Variants in ZSWIM6 observed in about 807,000 individuals in gnomAD.
ZSWIM6 encodes zinc finger SWIM domain-containing protein 6.
In ZSWIM6, 9 loss-of-function variants were observed where a neutral mutation model predicts 113.2. The ratio of observed to expected loss-of-function variants is 0.08; its 90% confidence interval spans 0.05 to 0.14. The LOEUF is 0.14. Among genes scored for constraint, ZSWIM6 ranks in the 10% least tolerant of loss-of-function variants. ZSWIM6 has a pLI of 1.00. For synonymous variants in ZSWIM6, 611 were observed against 606.5 expected (o/e 1.01, Z -0.11); for missense variants, 1,162 against 1,552.2 (o/e 0.75, Z 4.22).
intron 2 of ZSWIM6, among the ~76,000 whole-genome samples, chr5:61,481,101 A>C (rs1018125360): frequency 4.6e-5 from 7 of 152,328 alleles, no homozygotes; most frequent in African/African-American, 1.7e-4. Context: ...GTTGGGTCAC[A>C]GTTAAGATGA....
intron 1 of ZSWIM6, among the ~76,000 whole-genome samples, chr5:61,442,451 A>C (rs370612208): frequency 1.6e-4 from 24 of 152,106 alleles, no homozygotes; most frequent in South Asian, 2.1e-4. Context: ...TGAGGAATCA[A>C]AGTTTAATCT....
At chr5:61,415,821 G>A (rs1447818758) in intron 1 of ZSWIM6, among the ~76,000 whole-genome samples, 1 of 152,142 alleles carries the variant, frequency 6.6e-6, no homozygotes, top group African/African-American at 2.4e-5. Flanking sequence ...ACCTCAGAAG[G>A]AATAATTGGA....
chr5:61,413,786 T>G (rs1746192579), intron 1 of ZSWIM6, among the ~76,000 whole-genome samples: 1 of 152,196 alleles, frequency 6.6e-6, no homozygotes, highest in Non-Finnish European at 1.5e-5. Context: ...ATGATGAGCA[T>G]TTTTTCATGT....
chr5:61,500,823 C>T (rs997103996), intron 4 of ZSWIM6, among the ~76,000 whole-genome samples: 3 of 152,102 alleles, frequency 2.0e-5, no homozygotes, highest in Admixed American at 2.0e-4. Context: ...TTTCAGGTCC[C>T]CTTTGGTAAG....
intron 4 of ZSWIM6, among the ~76,000 whole-genome samples, chr5:61,520,583 A>AGGGAAGTATGT (rs1456198484): frequency 1.9e-4 from 29 of 152,272 alleles, no homozygotes; most frequent in African/African-American, 6.7e-4. Context: ...TAAATCATTT[A>AGGGAAGTATGT]GGGAAGTATG....
intron 1 of ZSWIM6, among the ~76,000 whole-genome samples, chr5:61,382,964 T>C (rs577233255): frequency 6.6e-6 from 1 of 152,312 alleles, no homozygotes; most frequent in African/African-American, 2.4e-5. Flanking sequence ...AATAACATGC[T>C]CAGTGTTATT....
At chr5:61,451,343 TTAAG>T (rs1483659543) in intron 1 of ZSWIM6, among the ~76,000 whole-genome samples, 2 of 152,228 alleles carry the variant, frequency 1.3e-5, no homozygotes, top group Non-Finnish European at 2.9e-5. Context: ...ATGATCCTAT[TTAAG>T]TATATTATTT....
intron 1 of ZSWIM6, chr5:61,391,547 G>T (rs1054777352): frequency 1.7e-5 from 17 of 977,320 alleles, no homozygotes; most frequent in Admixed American, 5.1e-5. Flanking sequence ...TCGCTGATGT[G>T]CTCAGCGAAG....
At chr5:61,513,488 C>G (rs1278999531) in intron 4 of ZSWIM6, among the ~76,000 whole-genome samples, 1 of 152,046 alleles carries the variant, frequency 6.6e-6, no homozygotes, top group Non-Finnish European at 1.5e-5. Context: ...ATGAAGTCTA[C>G]TTTATCAATT....
chr5:61,466,731 A>C (rs1006393390), intron 1 of ZSWIM6, among the ~76,000 whole-genome samples: 3 of 152,072 alleles, frequency 2.0e-5, no homozygotes, highest in African/African-American at 7.3e-5. Flanking sequence ...GTGCATATAC[A>C]TAATATGCAC....
intron 1 of ZSWIM6, among the ~76,000 whole-genome samples, chr5:61,339,620 C>T (rs937902900): frequency 4.6e-5 from 7 of 152,060 alleles, no homozygotes; most frequent in Non-Finnish European, 1.0e-4. Flanking sequence ...TTGACTTAAA[C>T]TGTTATATTT....
intron 1 of ZSWIM6, among the ~76,000 whole-genome samples, chr5:61,334,405 G>A (rs1744343941): frequency 1.3e-5 from 2 of 152,246 alleles, no homozygotes; most frequent in Admixed American, 1.3e-4. Flanking sequence ...GGTGAACCCG[G>A]CACCGAATGA....
At chr5:61,528,684 T>G (rs922238912) in intron 7 of ZSWIM6, among the ~76,000 whole-genome samples, 2 of 150,908 alleles carry the variant, frequency 1.3e-5, no homozygotes, top group Non-Finnish European at 2.9e-5. Context: ...GCATCCTGGG[T>G]TCAAGCGATT....
chr5:61,413,537 C>A (rs1409401895), intron 1 of ZSWIM6, among the ~76,000 whole-genome samples: 1 of 152,038 alleles, frequency 6.6e-6, no homozygotes, highest in Non-Finnish European at 1.5e-5. Context: ...GGTATATACC[C>A]AGTAATGGAA....
chr5:61,479,288 A>G (rs1413976252), intron 2 of ZSWIM6, among the ~76,000 whole-genome samples: 1 of 152,074 alleles, frequency 6.6e-6, no homozygotes, highest in East Asian at 1.9e-4. Context: ...CCAAAGAAGT[A>G]GTGCCAAAGA....
intron 3 of ZSWIM6, 128 bp from the exon 4 acceptor site, chr5:61,494,122 CCACACACACA>C: frequency 4.2e-6 from 3 of 717,940 alleles, no homozygotes; most frequent in Non-Finnish European, 6.4e-6. Flanking sequence ...CTATCCTCCA[CCACACACACA>C]CACACACACA....
In ZSWIM6 at chr5:61,345,181, G is replaced by C. The variant is rs568390706; in HGVS notation, c.676+12233G>C. On this transcript the variant is annotated intron_variant, in intron 1 of 13. Coordinates refer to ENST00000252744, the MANE Select transcript of ZSWIM6 (RefSeq NM_020928.2). ...GTTTATATAATTATAGGTGCCATCA[G>C]ACATTAAAAAGAAACACATACTGTT... Among the ~76,000 whole-genome samples, 3 of 152,310 alleles carry C rather than the reference G, an allele frequency of 2.0e-5. No homozygotes were observed. The East Asian group carries it at 5.8e-4, about 29-fold the overall frequency.
At chr5:61,375,113 T>G (rs535544410) in intron 1 of ZSWIM6, 2 of 1,608,426 alleles carry the variant, frequency 1.2e-6, no homozygotes, top group South Asian at 1.1e-5. Flanking sequence ...TCCAGCACCA[T>G]GGGGAAGCGG....
Position 61,522,902 on chromosome 5 carries a change from T to C in ZSWIM6, c.1513+1460T>C, listed in dbSNP as rs1407916891. ...TACTCAAACATTTTACATTTTACTT[T>C]TTACATTCCATTTATTCTGTTACCC... On this transcript the variant is annotated intron_variant, in intron 5 of 13. Coordinates refer to ENST00000252744, the MANE Select transcript of ZSWIM6 (RefSeq NM_020928.2). Among the ~76,000 whole-genome samples, 7 of 152,222 alleles carry C rather than the reference T, an allele frequency of 4.6e-5. No homozygotes were observed. In the East Asian group the frequency reaches 1.3e-3, roughly 29 times the overall value.
Sources: allele counts gnomAD v4.1 joint callset (sites outside exome capture counted in the v4.1 genomes callset), GRCh38; gene constraint gnomAD v4.1.1; transcripts MANE v1.5; gene names NCBI Gene and HGNC (gene_info 2026-07-23, HGNC 2026-07-21).